FAM227B: variants seen among roughly 807,000 people sequenced by gnomAD.
The protein encoded by FAM227B is protein FAM227B.
A neutral mutation model predicts 73.8 loss-of-function variants in FAM227B; 88 were observed. The ratio of observed to expected loss-of-function variants is 1.19; its 90% confidence interval spans 1.00 to 1.42. The LOEUF is 1.42. FAM227B is among the 40% of genes most tolerant of loss of function. FAM227B has a pLI of 0.00. For synonymous variants in FAM227B, 210 were observed against 190.5 expected, an observed-to-expected ratio of 1.10 and a Z score of -0.84; for missense variants, 632 against 590.9, an observed-to-expected ratio of 1.07 and a Z score of -0.72.
At chr15:49,550,835 C>A (rs1010093326) in intron 9 of FAM227B, among the ~76,000 whole-genome samples, 1 of 146,774 alleles carries the variant, frequency 6.8e-6, no homozygotes, top group Admixed American at 6.8e-5. Flanking sequence ...ACGTCCCAGA[C>A]GATGGGCGGC....
Position 49,585,669 on chromosome 15 carries a change from A to C in FAM227B, c.405+2347T>G, listed in dbSNP as rs530171262. The stretch of plus-strand genomic sequence containing the variant: ...AGAACACATGGACACAGGAAGGGGA[A>C]CATCACACACCGGGGACTGTTGTGG... On this transcript the variant is annotated intron_variant, in intron 5 of 15. Transcript: ENST00000299338. 2.0e-3 allele frequency among the ~76,000 whole-genome samples: 302 copies of C among 152,232 alleles called. 1 individual carries two copies. The highest frequency in any genetic ancestry group is 7.0e-3 in the African/African-American group (289 of 41,534).
At chr15:49,500,713 A>G (rs1392152000) in intron 11 of FAM227B, among the ~76,000 whole-genome samples, 1 of 152,214 alleles carries the variant, frequency 6.6e-6, no homozygotes, top group Non-Finnish European at 1.5e-5. Context: ...TAGTTTGGAT[A>G]TCTACCCCCA....
rs368992735 is a variant in FAM227B at position 49,615,082 on chromosome 15, C to T, written c.51+39G>A. On this transcript the variant is annotated intron_variant, in intron 2 of 15. Transcript: ENST00000299338. ...ACCTGAAATTCCAAGAGAAATATAA[C>T]CTTTGTAAGTGAACATAAAGCTGTG... The T allele has an allele frequency of 2.0e-5, 31 of 1,582,600 alleles. No homozygotes were observed. In the African/African-American group the frequency reaches 4.0e-4, roughly 21 times the overall value.
At chr15:49,464,223 T>A (rs947204383) in intron 11 of FAM227B, among the ~76,000 whole-genome samples, 1 of 152,114 alleles carries the variant, frequency 6.6e-6, no homozygotes, top group Non-Finnish European at 1.5e-5. Flanking sequence ...AAAGCGGTGA[T>A]TCTGACACTT....
At chr15:49,341,216 C>A (rs1216611433) in intron 13 of FAM227B, among the ~76,000 whole-genome samples, 1 of 151,932 alleles carries the variant, frequency 6.6e-6, no homozygotes, top group East Asian at 1.9e-4. Context: ...CAGCTTTGTT[C>A]TTTTTGCTTA....
intron 10 of FAM227B, among the ~76,000 whole-genome samples, chr15:49,537,485 C>A (rs548286274): frequency 1.4e-4 from 21 of 152,102 alleles, no homozygotes; most frequent in African/African-American, 5.1e-4. Context: ...ACTGGTGCAG[C>A]TATTGAGGAA....
intron 9 of FAM227B, among the ~76,000 whole-genome samples, chr15:49,551,292 C>T (rs945377774): frequency 5.3e-5 from 8 of 149,942 alleles, no homozygotes; most frequent in East Asian, 1.9e-4. Context: ...AGGGAGAGGA[C>T]GCATATGTAT....
At chr15:49,551,678 C>A (rs573485584) in intron 9 of FAM227B, among the ~76,000 whole-genome samples, 4 of 152,238 alleles carry the variant, frequency 2.6e-5, no homozygotes, top group African/African-American at 4.8e-5. Context: ...TCTTTCTTTG[C>A]TCCTGTCTTA....
At chr15:49,430,091 G>C (rs1239959379) in intron 11 of FAM227B, among the ~76,000 whole-genome samples, 1 of 151,826 alleles carries the variant, frequency 6.6e-6, no homozygotes, top group Non-Finnish European at 1.5e-5. Flanking sequence ...GGGTTCTTCT[G>C]GGCTCATCTG....
At chr15:49,329,408 A>T (rs894609723) in intron 15 of FAM227B, 2 of 985,136 alleles carry the variant, frequency 2.0e-6, no homozygotes, top group Admixed American at 1.2e-4. Context: ...GGCATGAATT[A>T]TCCAAAAAAA....
chr15:49,419,775 A>AT (rs1567240635), intron 11 of FAM227B, among the ~76,000 whole-genome samples: 1 of 151,388 alleles, frequency 6.6e-6, no homozygotes, highest in Non-Finnish European at 1.5e-5. Context: ...TATTATTATT[A>AT]TTTTTTTATT....
At chr15:49,583,654 CAAAA>C (rs200243389) in intron 5 of FAM227B, among the ~76,000 whole-genome samples, 1 of 103,616 alleles carries the variant, frequency 9.7e-6, no homozygotes, top group Non-Finnish European at 2.0e-5. Context: ...TTTCACTTGG[CAAAA>C]AAAAAAAAAA....
intron 11 of FAM227B, among the ~76,000 whole-genome samples, chr15:49,480,474 ATTTTTTT>A (rs35283556): frequency 4.0e-5 from 4 of 100,914 alleles, no homozygotes; most frequent in African/African-American, 1.2e-4. Flanking sequence ...TGCCCAACTA[ATTTTTTT>A]TTTTTTTTTT....
In FAM227B at chr15:49,611,253, G is replaced by T. The variant is rs139422415; in HGVS notation, c.67C>A (p.Pro23Thr). Residue 23 changes from proline (P) to threonine (T), a missense_variant, in exon 3 of 16, where the codon CCA becomes ACA. Pro to Thr is a conservative substitution (Grantham distance 38). Transcript: ENST00000299338. ...TTTAAGAATTCTTCAATGCTCTTTGGAGGTTCTTGCATTTTCTAATAAAGT... is the reference window on the plus strand; with the variant it reads ...TTTAAGAATTCTTCAATGCTCTTTGTAGGTTCTTGCATTTTCTAATAAAGT... ...RAGPGKMQEP[P>T]KSIEEFLKFQ... is the part of the protein sequence containing the mutation. 4 of 1,590,798 alleles carry T rather than the reference G, an allele frequency of 2.5e-6. No individual in the cohort carries two copies. Among genetic ancestry groups the T allele is most frequent in the Non-Finnish European group, 2.6e-6 (3 of 1,162,618 alleles).
chr15:49,615,287 C>T (rs180915832), intron 1 of FAM227B, 44 bp from the exon 2 acceptor site: 1 of 837,238 alleles, frequency 1.2e-6, no homozygotes, highest in African/African-American at 1.7e-5. Context: ...AATGACTCAG[C>T]CAAACAATCC....
chr15:49,443,468 C>T (rs12916839), intron 11 of FAM227B, among the ~76,000 whole-genome samples: 38,129 of 151,444 alleles, frequency 0.25, 5,793 homozygotes, highest in Non-Finnish European at 0.35. Context: ...GGGCTTGATT[C>T]ACTATTTTGT....
At chr15:49,367,638 C>A (rs779900462) in intron 12 of FAM227B, 30 bp from the exon 13 acceptor site, 1 of 1,523,344 alleles carries the variant, frequency 6.6e-7, no homozygotes, top group Non-Finnish European at 8.7e-7. Context: ...ATCAAGACAA[C>A]GATTACTTTT....
chr15:49,603,052 T>C (rs2077303700), intron 3 of FAM227B, among the ~76,000 whole-genome samples: 1 of 151,850 alleles, frequency 6.6e-6, no homozygotes, highest in Non-Finnish European at 1.5e-5. Flanking sequence ...ACGCAGCTTG[T>C]AGTATAATTT....
intron 11 of FAM227B, among the ~76,000 whole-genome samples, chr15:49,417,194 C>T (rs1043002679): frequency 2.0e-5 from 3 of 152,056 alleles, no homozygotes; most frequent in Non-Finnish European, 2.9e-5. Context: ...GAGTTTGAGA[C>T]CAGCCTGGGC....
Sources: gnomAD v4.1 joint callset for allele counts (sites outside exome capture counted in the v4.1 genomes callset) on GRCh38, gnomAD v4.1.1 for gene constraint, MANE v1.5 for transcripts, NCBI Gene and HGNC (gene_info 2026-07-23, HGNC 2026-07-21) for gene names.